Variants in PHF11 observed in about 807,000 individuals in gnomAD.
PHF11 encodes the protein PHD finger protein 11, also known as BRCA1 C-terminus-associated protein.
Under a neutral mutation model 40.5 loss-of-function variants are expected in PHF11, and 38 were observed. That is an observed-to-expected ratio of 0.94 (90% CI 0.72 to 1.23). The LOEUF (loss-of-function observed/expected upper bound fraction) is 1.23. PHF11 is among the 50% of genes most tolerant of loss of function. PHF11 has a pLI of 0.00. For synonymous variants in PHF11, 127 were observed against 138.2 expected (o/e 0.92, Z 0.57); for missense variants, 369 against 392.4 (o/e 0.94, Z 0.50).
intron 2 of PHF11, among the ~76,000 whole-genome samples, chr13:49,510,218 G>T (rs1398634180): frequency 2.0e-5 from 3 of 152,054 alleles, no homozygotes; most frequent in Admixed American, 2.0e-4. Flanking sequence ...TAGAGATGGG[G>T]TTTTGCCATG....
chr13:49,511,256 G>A (rs1200469305), intron 2 of PHF11, among the ~76,000 whole-genome samples: 1 of 150,880 alleles, frequency 6.6e-6, no homozygotes, highest in African/African-American at 2.4e-5. Context: ...ATAAAAATCA[G>A]CTATAAGCAT....
intron 8 of PHF11, among the ~76,000 whole-genome samples, chr13:49,524,704 G>C (rs1236321488): frequency 6.6e-6 from 1 of 152,004 alleles, no homozygotes; most frequent in East Asian, 1.9e-4. Flanking sequence ...TTGAACTCCT[G>C]ACCTCAGGTG....
At position 49,522,127 on chromosome 13, in the gene PHF11, A is replaced by T. The variant is rs1959191427; in HGVS notation, c.570+20A>T. 4 of 1,286,108 alleles carry T rather than the reference A, an allele frequency of 3.1e-6. No homozygotes were observed. The highest frequency in any genetic ancestry group is 4.5e-6 in the Non-Finnish European group (4 of 887,956). 79.7% of individuals were successfully genotyped at this position (1,286,108 alleles called of 1,614,324 possible). On this transcript the variant is annotated intron_variant, in intron 6 of 9. Coordinates refer to ENST00000378319, the MANE Select transcript of PHF11 (RefSeq NM_001040443.3). ...GTACAGGTAATTTGACTTAGTTTTTATAGCTTTGCATTTCTTCATACAGAG... is the reference window on the plus strand; with the variant it reads ...GTACAGGTAATTTGACTTAGTTTTTTTAGCTTTGCATTTCTTCATACAGAG...
At chr13:49,511,687 T>C (rs1379644857) in intron 2 of PHF11, among the ~76,000 whole-genome samples, 1 of 152,184 alleles carries the variant, frequency 6.6e-6, no homozygotes, top group African/African-American at 2.4e-5. Flanking sequence ...TCTGGGCTTG[T>C]TTTTTGTTTT....
Position 49,510,191 on chromosome 13 carries a change from A to G in PHF11, c.217-2868A>G, listed in dbSNP as rs1048477393. 3.9e-5 allele frequency among the ~76,000 whole-genome samples: 6 copies of G among 152,058 alleles called. 1 individual carries two copies. In the South Asian group the frequency reaches 6.2e-4, roughly 16 times the overall value. On this transcript the variant is annotated intron_variant, in intron 2 of 9. Coordinates refer to ENST00000378319, the MANE Select transcript of PHF11 (RefSeq NM_001040443.3). ...AGGCATGTGCCACTGTGCCCAGCTA[A>G]TGTTTTGTACTTTTTGTAGAGATGG...
intron 8 of PHF11, among the ~76,000 whole-genome samples, chr13:49,525,282 C>G (rs1214485090): frequency 1.3e-5 from 2 of 152,306 alleles, no homozygotes; most frequent in Non-Finnish European, 2.9e-5. Flanking sequence ...GAGTCTCGCT[C>G]TCTCTCCCAG....
At position 49,506,817 on chromosome 13, in the gene PHF11, AATAG is replaced by A. The variant is rs1430151895; in HGVS notation, c.216+65_216+68del. 1.4e-5 allele frequency: 17 copies of A among 1,235,134 alleles called. No individual in the cohort carries two copies. The South Asian group carries it at 2.0e-4, about 15-fold the overall frequency. 76.5% of individuals were successfully genotyped at this position (1,235,134 alleles called of 1,614,324 possible). A position where few individuals can be genotyped will look rare whatever the true frequency, so the allele number is the denominator to read the frequency against. On this transcript the variant is annotated intron_variant, in intron 2 of 9. Coordinates refer to ENST00000378319, the MANE Select transcript of PHF11 (RefSeq NM_001040443.3). ...GTACTTTTAGTGTAGGACACATAAG[AATAG>A]ATAAACAACACTTTGGACACAAAGA...
At chr13:49,516,721 C>T (rs1364667542) in intron 3 of PHF11, among the ~76,000 whole-genome samples, 3 of 151,862 alleles carry the variant, frequency 2.0e-5, no homozygotes, top group Non-Finnish European at 4.4e-5. Flanking sequence ...ATAGCTGGGA[C>T]TACAGGAGTG....
At chr13:49,521,216 G>T in intron 5 of PHF11, 1 of 1,089,358 alleles carries the variant, frequency 9.2e-7, no homozygotes, top group Non-Finnish European at 1.1e-6. Flanking sequence ...ATGGGAAAAA[G>T]CCTTGACTTT....
intron 1 of PHF11, among the ~76,000 whole-genome samples, chr13:49,504,347 G>A (rs1958948390): frequency 6.6e-6 from 1 of 151,996 alleles, no homozygotes; most frequent in African/African-American, 2.4e-5. Context: ...AGCTACTGAG[G>A]TGGGAGACTG....
At chr13:49,510,891 A>C (rs1959073382) in intron 2 of PHF11, among the ~76,000 whole-genome samples, 1 of 152,194 alleles carries the variant, frequency 6.6e-6, no homozygotes, top group South Asian at 2.1e-4. Flanking sequence ...CCAATTCAGA[A>C]AGTTTTGAGA....
At chr13:49,496,296 A>C in intron 1 of PHF11, 1 of 755,966 alleles carries the variant, frequency 1.3e-6, no homozygotes, top group Non-Finnish European at 1.8e-6. Flanking sequence ...GCCAGAGGAC[A>C]GGGCGCGGCC....
intron 2 of PHF11, among the ~76,000 whole-genome samples, chr13:49,512,626 C>A (rs1040746219): frequency 1.3e-5 from 2 of 152,196 alleles, no homozygotes; most frequent in African/African-American, 4.8e-5. Context: ...TTCCTAAAGG[C>A]AGGCATGCAG....
In PHF11 at chr13:49,526,398, A is replaced by T; in HGVS notation, c.781A>T (p.Ile261Phe). ...TTCTCTCCCTCCAGACTATGAAGAA[A>T]TCGGGAGTGCACTTTTTGACTGTAG... ...ETTSESDYEE[I>F]GSALFDCRLF... Residue 261 changes from isoleucine to phenylalanine, a missense_variant, in exon 9 of 10, where the codon ATC (isoleucine) becomes TTC (phenylalanine). By Grantham distance (21) the Ile-to-Phe change is conservative. Coordinates refer to ENST00000378319, the MANE Select transcript of PHF11 (RefSeq NM_001040443.3). 6.2e-7 allele frequency: 1 copy of T among 1,607,364 alleles called. No homozygotes were observed.
intron 8 of PHF11, among the ~76,000 whole-genome samples, chr13:49,524,476 T>G (rs1333033556): frequency 6.7e-6 from 1 of 149,036 alleles, no homozygotes; most frequent in Non-Finnish European, 1.5e-5. Context: ...TTTACCTCAT[T>G]CTTTTTTTTT....
chr13:49,497,190 A>T (rs1402461084), intron 1 of PHF11: 1 of 1,289,088 alleles, frequency 7.8e-7, no homozygotes, highest in African/African-American at 1.5e-5. Context: ...TGGATATTTC[A>T]TTCATTGGTA....
chr13:49,506,416 C>A (rs1380149635), intron 1 of PHF11, among the ~76,000 whole-genome samples: 1 of 152,032 alleles, frequency 6.6e-6, no homozygotes, highest in Non-Finnish European at 1.5e-5. Flanking sequence ...CATTATTAGG[C>A]ATTTAGAAGT....
At chr13:49,521,045 G>C (rs1471089984) in intron 5 of PHF11, 105 bp downstream of exon 5, 4 of 1,416,864 alleles carry the variant, frequency 2.8e-6, no homozygotes, top group Non-Finnish European at 2.8e-6. Context: ...AAATACAAAT[G>C]TTTGAGTTAA....
intron 2 of PHF11, among the ~76,000 whole-genome samples, chr13:49,507,145 T>C (rs1959012330): frequency 2.0e-5 from 3 of 152,102 alleles, no homozygotes; most frequent in Admixed American, 2.0e-4. Context: ...GACCTCGTGA[T>C]CTGCCCACCT....
Sources: allele counts gnomAD v4.1 joint callset (sites outside exome capture counted in the v4.1 genomes callset), GRCh38; gene constraint gnomAD v4.1.1; transcripts MANE v1.5; gene names NCBI Gene and HGNC (gene_info 2026-07-23, HGNC 2026-07-21).